Variants in PRDM11 observed in about 807,000 individuals in gnomAD.
The protein encoded by PRDM11 is PR/SET domain 11, also known as PR domain-containing protein 11.
A neutral mutation model predicts 97.8 loss-of-function variants in PRDM11; 20 were observed. The observed-to-expected ratio is 0.20, with a 90% CI of 0.14 to 0.30. The LOEUF (loss-of-function observed/expected upper bound fraction) is 0.30. Among genes scored for constraint, PRDM11 ranks in the 10% least tolerant of loss-of-function variants. The pLI is 1.00. For synonymous variants in PRDM11, 599 were observed against 637.7 expected, an observed-to-expected ratio of 0.94 and a Z score of 0.91; for missense variants, 1,139 against 1,555.2, an observed-to-expected ratio of 0.73 and a Z score of 4.50.
chr11:45,119,947 A>T (rs1852394183), intron 1 of PRDM11, among the ~76,000 whole-genome samples: 1 of 152,236 alleles, frequency 6.6e-6, no homozygotes, highest in Non-Finnish European at 1.5e-5. Flanking sequence ...CAGTAAGGAC[A>T]TAAAAACAGC....
intron 1 of PRDM11, among the ~76,000 whole-genome samples, chr11:45,097,873 A>G (rs1851910887): frequency 6.6e-6 from 1 of 152,254 alleles, no homozygotes; most frequent in African/African-American, 2.4e-5. Flanking sequence ...GGGGAATATG[A>G]CAGTTCTCCA....
rs112236850 is a variant in PRDM11, at chr11:45,150,051, A to C, written c.-7+3174A>C. Among the ~76,000 whole-genome samples the C allele has an allele frequency of 6.9e-3, 1,054 of 152,250 alleles. 15 individuals carry two copies. The highest frequency in any genetic ancestry group is 0.024 in the African/African-American group (989 of 41,532). On this transcript the variant is annotated intron_variant, in intron 1 of 7. Transcript: ENST00000683152. ...TTCAGGGACTCCCCCTGCTGTGAGG[A>C]GAATGACAGAAATCCAGCTGCCCTC...
intron 1 of PRDM11, among the ~76,000 whole-genome samples, chr11:45,110,259 T>A (rs1349878678): frequency 6.6e-6 from 1 of 152,134 alleles, no homozygotes; most frequent in Non-Finnish European, 1.5e-5. Flanking sequence ...ACCCAAGAAG[T>A]GGCAGCTAAG....
chr11:45,106,316 C>T (rs1488542712), intron 1 of PRDM11, among the ~76,000 whole-genome samples: 4 of 152,174 alleles, frequency 2.6e-5, no homozygotes. Flanking sequence ...CAGCCGTTCT[C>T]GTTGGAGGCC....
chr11:45,190,192 G>A (rs910620258), intron 4 of PRDM11, among the ~76,000 whole-genome samples: 2 of 150,892 alleles, frequency 1.3e-5, no homozygotes, highest in Non-Finnish European at 2.9e-5. Context: ...TATCACCCAG[G>A]CTGGAGTGCA....
upstream of PRDM11, among the ~76,000 whole-genome samples, chr11:45,094,650 G>A (rs1420038521): frequency 6.8e-6 from 1 of 147,034 alleles, no homozygotes; most frequent in Non-Finnish European, 1.5e-5. Context: ...GAAAATGGGA[G>A]GGAGGAAAGA....
intron 1 of PRDM11, among the ~76,000 whole-genome samples, chr11:45,099,044 T>C (rs141667295): frequency 2.1e-4 from 32 of 152,198 alleles, no homozygotes; most frequent in African/African-American, 6.7e-4. Flanking sequence ...GAGGGATGTC[T>C]AGCCAGAGGG....
rs549244643 is a variant in PRDM11, at chr11:45,133,731, G to A, written c.96+37830G>A. Among the ~76,000 whole-genome samples, 202 of 152,204 alleles carry A rather than the reference G, an allele frequency of 1.3e-3. 1 individual carries two copies. The highest frequency in any genetic ancestry group is 4.7e-3 in the African/African-American group (196 of 41,524). ...TACTAACTAGACACAGATCCCCAAC[G>A]GGCACATAGTGGAGGCTAGACATAC... On this transcript the variant is annotated intron_variant, in intron 1 of 6. Coordinates refer to the PRDM11 transcript ENST00000530656.
At chr11:45,157,369 G>C (rs1464678731) in intron 1 of PRDM11, among the ~76,000 whole-genome samples, 3 of 152,114 alleles carry the variant, frequency 2.0e-5, no homozygotes, top group East Asian at 1.9e-4. Flanking sequence ...TTCACGGTAG[G>C]GTTCGCGTCC....
At chr11:45,217,898 A>G (rs1466715880) in intron 5 of PRDM11, among the ~76,000 whole-genome samples, 1 of 152,236 alleles carries the variant, frequency 6.6e-6, no homozygotes, top group African/African-American at 2.4e-5. Context: ...AAAGTATGCA[A>G]AATTACAAAG....
At chr11:45,207,774 C>T (rs940024861) in intron 5 of PRDM11, among the ~76,000 whole-genome samples, 1 of 152,212 alleles carries the variant, frequency 6.6e-6, no homozygotes, top group Non-Finnish European at 1.5e-5. Flanking sequence ...CAGCCTTCTT[C>T]CCATCTTCTG....
At chr11:45,210,771 C>G (rs115039808) in intron 5 of PRDM11, among the ~76,000 whole-genome samples, 13 of 152,192 alleles carry the variant, frequency 8.5e-5, no homozygotes, top group Non-Finnish European at 1.6e-4. Flanking sequence ...GCTCTGAAAA[C>G]CAAGGTGGCC....
At chr11:45,134,479 C>A (rs1472320744) in intron 1 of PRDM11, among the ~76,000 whole-genome samples, 1 of 151,922 alleles carries the variant, frequency 6.6e-6, no homozygotes, top group African/African-American at 2.4e-5. Context: ...GTGGGCAGAT[C>A]GCTTGACTCA....
At chr11:45,112,031 T>C (rs1037696539) in intron 1 of PRDM11, among the ~76,000 whole-genome samples, 5 of 152,206 alleles carry the variant, frequency 3.3e-5, no homozygotes, top group Admixed American at 3.3e-4. Context: ...ATTTCTGAGA[T>C]TTTAGTGCAC....
chr11:45,128,636 A>T (rs2135642795), intron 1 of PRDM11, among the ~76,000 whole-genome samples: 1 of 152,298 alleles, frequency 6.6e-6, no homozygotes, highest in Middle Eastern at 3.4e-3. Context: ...GTAGTCTAAT[A>T]TTCATTTAAA....
At chr11:45,126,236 T>A (rs57255211) in intron 1 of PRDM11, among the ~76,000 whole-genome samples, 5,976 of 152,096 alleles carry the variant, frequency 0.039, 411 homozygotes, top group African/African-American at 0.14. Flanking sequence ...GTGTCTCTGC[T>A]TGTGAGATGG....
At chr11:45,179,355 T>G (rs1169251001) in intron 1 of PRDM11, among the ~76,000 whole-genome samples, 2 of 152,216 alleles carry the variant, frequency 1.3e-5, no homozygotes, top group Non-Finnish European at 2.9e-5. Flanking sequence ...CACTCGTCTG[T>G]GTCCACGGAA....
chr11:45,182,428 T>C, intron 3 of PRDM11, 79 bp downstream of exon 3: 1 of 1,318,106 alleles, frequency 7.6e-7, no homozygotes, highest in Non-Finnish European at 1.1e-6. Flanking sequence ...TTCACAACAA[T>C]GCTACTAAGA....
In PRDM11 at chr11:45,166,416, T is replaced by C. The variant is rs376119971; in HGVS notation, c.-6-15345T>C. On this transcript the variant is annotated intron_variant, in intron 1 of 7. Transcript: ENST00000683152. ...TAGCTCACAAATTGGCTAGACCCTG[T>C]ATCCTCTCTTGCACCAATCACTGTG... Among the ~76,000 whole-genome samples the C allele has an allele frequency of 2.6e-5, 4 of 152,244 alleles. No homozygotes were observed. In the East Asian group the frequency reaches 7.7e-4, roughly 29 times the overall value.
Sources: gnomAD v4.1 joint callset for allele counts (sites outside exome capture counted in the v4.1 genomes callset) on GRCh38, gnomAD v4.1.1 for gene constraint, MANE v1.5 for transcripts, NCBI Gene and HGNC (gene_info 2026-07-23, HGNC 2026-07-21) for gene names.